The following USB1 variants were observed in gnomAD, a reference collection of about 807,000 sequenced individuals.
The protein encoded by USB1 is U6 snRNA biogenesis phosphodiesterase 1.
In USB1, 21 loss-of-function variants were observed where a neutral mutation model predicts 29.9. The observed-to-expected ratio is 0.70, with a 90% CI of 0.50 to 1.01. The LOEUF is 1.01. Among genes scored for constraint, USB1 ranks in the 50% least tolerant of loss-of-function variants. The pLI is 0.00. For synonymous variants in USB1, 143 were observed against 134.9 expected (o/e 1.06, Z -0.42); for missense variants, 330 against 347.1 (o/e 0.95, Z 0.39).
chr16:58,004,857 C>T (rs965002151), intron 2 of USB1, among the ~76,000 whole-genome samples: 4 of 152,166 alleles, frequency 2.6e-5, no homozygotes, highest in Admixed American at 1.3e-4. Context: ...CAGCTGGGCC[C>T]GGGGGACCAC....
chr16:58,019,163 AATGAC>A (rs1963685778), intron 6 of USB1, 108 bp downstream of exon 6: 1 of 1,158,804 alleles, frequency 8.6e-7, no homozygotes, highest in African/African-American at 1.5e-5. Context: ...CTGGGAAACA[AATGAC>A]ATGGCAGGAG....
chr16:58,012,310 C>T, intron 3 of USB1: 2 of 1,535,486 alleles, frequency 1.3e-6, no homozygotes, highest in Non-Finnish European at 8.7e-7. Context: ...TCAGGACTCT[C>T]TTAACCACAG....
chr16:58,012,783 G>A (rs968491278), intron 3 of USB1: 26 of 1,007,938 alleles, frequency 2.6e-5, no homozygotes, highest in Non-Finnish European at 3.1e-5. Flanking sequence ...CTGCACTTGC[G>A]CTAGGAAGAC....
Position 58,020,339 on chromosome 16 carries a change from T to G in USB1, c.*94T>G. 1 of 1,242,318 alleles carries G rather than the reference T, an allele frequency of 8.0e-7. No individual in the cohort carries two copies. The highest frequency in any genetic ancestry group is 1.5e-5 in the African/African-American group (1 of 67,568). 77.0% of individuals were successfully genotyped at this position (1,242,318 alleles called of 1,614,324 possible). On this transcript the variant is annotated 3_prime_UTR_variant, in exon 7 of 7. Transcript: ENST00000219281. ...GATGGAGATGCTTCTAGCCTCCCAG[T>G]AGGAGGCCCCAGCCATGCCTTCAAC... is the stretch of plus-strand genomic sequence containing the variant.
chr16:58,002,473 T>C lies in USB1; in HGVS notation c.99-6T>C. On this transcript the variant is annotated splice_region_variant and splice_polypyrimidine_tract_variant and intron_variant, in intron 1 of 6. Transcript: ENST00000219281. Reference sequence around the variant, plus strand: ...ATGTACTCATTTTTCTTTTTTTCTTTTGCAGTGGCCAGAGCCCCCTTCCCA... The same window carrying C: ...ATGTACTCATTTTTCTTTTTTTCTTCTGCAGTGGCCAGAGCCCCCTTCCCA... 3 of 1,613,870 alleles carry C rather than the reference T, an allele frequency of 1.9e-6. No homozygotes were observed. The highest frequency in any genetic ancestry group is 2.5e-6 in the Non-Finnish European group (3 of 1,180,040).
At chr16:58,020,027 G>GCAGCCT in intron 6 of USB1, 114 bp from the exon 7 acceptor site, 1 of 928,132 alleles carries the variant, frequency 1.1e-6, no homozygotes, top group Non-Finnish European at 1.7e-6. Context: ...CCTGGAGCCT[G>GCAGCCT]CAGCCTCAGC....
rs1388711432 is a variant in USB1 at position 58,020,786 on chromosome 16, GTCT to G, written c.*542_*544del. 3 of 178,410 alleles carry G rather than the reference GTCT, an allele frequency of 1.7e-5. No individual in the cohort carries two copies. The highest frequency in any genetic ancestry group is 3.6e-5 in the Non-Finnish European group (3 of 83,252). The allele number at this position is 178,410 out of a possible 1,614,324, so 11.1% of individuals were successfully genotyped here. On this transcript the variant is annotated 3_prime_UTR_variant, in exon 7 of 7. Coordinates refer to ENST00000219281, the MANE Select transcript of USB1 (RefSeq NM_024598.4). ...TCTCTTGCTTTCTTCTCTCTCTCCT[GTCT>G]CGGCTGTTGTGGGTTGCAGGTTGGG...
rs1277710724 is a variant in USB1, at chr16:58,011,892, G to T, written c.449+1780G>T. 6.0e-6 allele frequency: 6 copies of T among 1,002,852 alleles called. No individual in the cohort carries two copies. The Admixed American group carries it at 2.8e-4, about 47-fold the overall frequency. 62.1% of individuals were successfully genotyped at this position (1,002,852 alleles called of 1,614,324 possible). On this transcript the variant is annotated intron_variant, in intron 3 of 6. Transcript: ENST00000219281. ...TGAGTCATGGTGCGGGAATGAGGGA[G>T]CCTAGAGAATATCTTTCTGGATCCT...
chr16:58,014,079 C>G, intron 3 of USB1, 194 bp from the exon 4 acceptor site: 2 of 587,310 alleles, frequency 3.4e-6, no homozygotes, highest in East Asian at 2.9e-5. Flanking sequence ...GTGTGTTACT[C>G]GGGCTGGGTG....
chr16:58,007,225 G>A (rs1025506689), intron 2 of USB1, among the ~76,000 whole-genome samples: 1 of 152,214 alleles, frequency 6.6e-6, no homozygotes, highest in African/African-American at 2.4e-5. Flanking sequence ...TGGCCTCATG[G>A]AATAAGTCAG....
rs745321157 is a variant in USB1 at position 58,002,549 on chromosome 16, G to A, written c.169G>A (p.Glu57Lys). The change falls in exon 2 of 7, where the codon GAG becomes AAG. Residue 57 changes from glutamate (E) to lysine (K), a missense_variant. By Grantham distance (56) the Glu-to-Lys change is moderately conservative. Transcript: ENST00000219281. ...TGTGCTGAACATGTTCCCGGGCACC[G>A]AGGAGGGGCCTGAAGATGACAGCAC... ...DSVLNMFPGT[E>K]EGPEDDSTKH... is the part of the protein sequence containing the mutation. 1.4e-5 allele frequency: 23 copies of A among 1,614,110 alleles called. No individual in the cohort carries two copies. The highest frequency in any genetic ancestry group is 3.3e-5 in the Admixed American group (2 of 60,024).
At chr16:58,001,970 A>C (rs780024750) in intron 1 of USB1, among the ~76,000 whole-genome samples, 1 of 151,900 alleles carries the variant, frequency 6.6e-6, no homozygotes, top group Non-Finnish European at 1.5e-5. Flanking sequence ...CTGAGCACCC[A>C]CTCCCTGCCA....
rs1597046827 is a variant in USB1, at chr16:58,007,420, T to G, written c.266-2509T>G. ...TTTCGGAGACAGAGTCTCACTCTGT[T>G]GCCCAGGATGGAGCACACTGGCATG... On this transcript the variant is annotated intron_variant, in intron 2 of 6. Transcript: ENST00000219281. 2.0e-5 allele frequency among the ~76,000 whole-genome samples: 3 copies of G among 152,244 alleles called. No individual in the cohort carries two copies. The East Asian group carries it at 5.8e-4, about 30-fold the overall frequency.
intron 3 of USB1, chr16:58,010,822 C>G: frequency 6.8e-6 from 4 of 587,354 alleles, no homozygotes; most frequent in Non-Finnish European, 1.2e-5. Context: ...GAGCCACCCT[C>G]CCAGCACATG....
chr16:58,020,224 C>A lies in USB1; in HGVS notation c.777C>A (p.Phe259Leu), dbSNP rs1021911386. Residue 259 changes from phenylalanine to leucine, a missense_variant, in exon 7 of 7, where the codon TTC (phenylalanine) becomes TTA (leucine). Transcript: ENST00000219281. ...TCCGCTGCAAGTCTGGGAACAAGTTCTTCTCGATGCCTTTGAAGTGAGCAC... is the reference window on the plus strand; with the variant it reads ...TCCGCTGCAAGTCTGGGAACAAGTTATTCTCGATGCCTTTGAAGTGAGCAC... The part of the protein sequence containing the change: ...EQVRCKSGNK[F>L]FSMPLK The A allele has an allele frequency of 1.2e-6, 2 of 1,614,196 alleles. No individual in the cohort carries two copies. The highest frequency in any genetic ancestry group is 1.7e-6 in the Non-Finnish European group (2 of 1,180,036).
Position 58,020,465 on chromosome 16 carries a change from CCT to C in USB1, c.*223_*224del, listed in dbSNP as rs751796506. 1.2e-4 allele frequency: 69 copies of C among 597,128 alleles called. 1 individual carries two copies. Among genetic ancestry groups the C allele is most frequent in the South Asian group, 7.6e-4 (39 of 51,470 alleles). 37.0% of individuals were successfully genotyped at this position (597,128 alleles called of 1,614,324 possible). A position where few individuals can be genotyped will look rare whatever the true frequency, so the allele number is the denominator to read the frequency against. ...TCTCTCTCTTCTCCTCTCTTTCTCT[CCT>C]CTGTCTCTCTTCCTCTCCTCTCTTC... On this transcript the variant is annotated 3_prime_UTR_variant, in exon 7 of 7. Coordinates refer to ENST00000219281, the MANE Select transcript of USB1 (RefSeq NM_024598.4).
intron 3 of USB1, chr16:58,010,871 T>C (rs1265760317): frequency 3.1e-6 from 2 of 636,466 alleles, no homozygotes; most frequent in Middle Eastern, 4.1e-4. Context: ...CCTCAAACCC[T>C]GTAGTTCCAA....
In USB1 at chr16:58,013,881, A is replaced by G. The variant is rs973346740; in HGVS notation, c.450-392A>G. 9 of 234,164 alleles carry G rather than the reference A, an allele frequency of 3.8e-5. No homozygotes were observed. Among genetic ancestry groups the G allele is most frequent in the African/African-American group, 2.1e-4 (9 of 43,524 alleles). 14.5% of individuals were successfully genotyped at this position (234,164 alleles called of 1,614,324 possible). On this transcript the variant is annotated intron_variant, in intron 3 of 6. Transcript: ENST00000219281. The surrounding 1 kb of genome is among the most constrained non-coding windows in gnomAD (Gnocchi z 4.3). The stretch of plus-strand genomic sequence containing the variant: ...AAGAAATGTTGTCGTGATTGCTTAG[A>G]TGAAATCGGAGTCATCTATTTTAAA...
At chr16:58,001,973 C>A (rs917479096) in intron 1 of USB1, among the ~76,000 whole-genome samples, 1 of 152,230 alleles carries the variant, frequency 6.6e-6, no homozygotes, top group Non-Finnish European at 1.5e-5. Context: ...AGCACCCACT[C>A]CCTGCCAGGC....
Sources: allele counts gnomAD v4.1 joint callset (sites outside exome capture counted in the v4.1 genomes callset), GRCh38; gene constraint gnomAD v4.1.1; non-coding constraint Gnocchi (gnomAD v3.1); transcripts MANE v1.5; gene names NCBI Gene and HGNC (gene_info 2026-07-23, HGNC 2026-07-21).